Variants in TKTL1 observed in about 807,000 individuals in gnomAD.
TKTL1 encodes transketolase like 1, also known as transketolase-like protein 1.
TKTL1 carries 1 observed loss-of-function variant against 39.3 expected under a neutral mutation model. That is an observed-to-expected ratio of 0.03 (90% CI 0.01 to 0.12). The LOEUF is 0.12. Ranked by LOEUF, TKTL1 falls within the 10% of genes least tolerant of loss-of-function variation. The pLI is 1.00. For missense variants in TKTL1, 575 were observed against 509.6 expected (o/e 1.13, Z -1.24); for synonymous variants, 262 against 193.8 (o/e 1.35, Z -2.92).
chrX:154,309,772 G>A (rs1317919588), intron 3 of TKTL1, among the ~76,000 whole-genome samples: 2 of 111,369 alleles, frequency 1.8e-5, no homozygotes, highest in African/African-American at 6.5e-5. Flanking sequence ...GTCTCACTCT[G>A]TGGCCAGGCT....
chrX:154,299,943 G>C (rs1167212713), intron 1 of TKTL1, among the ~76,000 whole-genome samples: 8 of 110,429 alleles, frequency 7.2e-5, no homozygotes, highest in Non-Finnish European at 1.5e-4. Context: ...TTTTTCCTTT[G>C]GGTAGATAGC....
At chrX:154,318,707 CAAA>C (rs1208196360) in intron 7 of TKTL1, among the ~76,000 whole-genome samples, 2 of 30,136 alleles carry the variant, frequency 6.6e-5, no homozygotes, top group African/African-American at 9.5e-5. Context: ...GCCTCCGTCT[CAAA>C]AAAAAAAAAA....
At position 154,320,763 on chromosome X, in the gene TKTL1, G is replaced by T. The variant is rs372864317; in HGVS notation, c.1036G>T (p.Val346Leu). The T allele has an allele frequency of 8.3e-7, 1 of 1,209,615 alleles. No individual in the cohort carries two copies. Among genetic ancestry groups the T allele is most frequent in the East Asian group, 3.0e-5 (1 of 33,779 alleles). The change falls in exon 8 of 13, where the codon GTG becomes TTG. Residue 346 changes from valine (V) to leucine (L), a missense_variant. Val to Leu is a conservative substitution (Grantham distance 32, BLOSUM62 1). Transcript: ENST00000369915. Reference protein sequence around the residue: ...CFMAEQNMVSVALGCASRGRT... With the variant: ...CFMAEQNMVSLALGCASRGRT... ...CATGTTCTCTGTGCTGCAGGTGAGC[G>T]TGGCTCTGGGCTGTGCCTCCCGTGG...
rs782333652 is a variant in TKTL1 at position 154,327,891 on chromosome X, C to A, written c.1551C>A (p.Ala517=). The stretch of plus-strand genomic sequence containing the variant: ...TTACCATTAAACCTCTGGATGTCGC[C>A]ACCATCGTCTCCAGTGCAAAAGCCA... The part of the protein sequence containing the change: ...DLFTIKPLDV[A]TIVSSAKATE... Residue 517 remains alanine (A), a synonymous_variant, in exon 12 of 13, where the codon GCC becomes GCA. Transcript: ENST00000369915. 36 of 1,209,934 alleles carry A rather than the reference C, an allele frequency of 3.0e-5. No individual in the cohort carries two copies. The highest frequency in any genetic ancestry group is 4.0e-5 in the Non-Finnish European group (36 of 895,002).
intron 1 of TKTL1, among the ~76,000 whole-genome samples, chrX:154,296,632 A>G (rs183400566): frequency 3.2e-3 from 351 of 111,288 alleles, no homozygotes; most frequent in Non-Finnish European, 5.4e-3. Flanking sequence ...TTTGAGGGAT[A>G]TTGGTCTCTA....
intron 10 of TKTL1, among the ~76,000 whole-genome samples, chrX:154,326,434 A>C (rs766418): frequency 0.032 from 3,626 of 112,464 alleles, 136 homozygotes; most frequent in African/African-American, 0.11. Flanking sequence ...TTGAGATCAT[A>C]CTGAATAGAA....
At chrX:154,316,982 C>A (rs1415466296) in intron 7 of TKTL1, among the ~76,000 whole-genome samples, 1 of 110,664 alleles carries the variant, frequency 9.0e-6, no homozygotes, top group Non-Finnish European at 1.9e-5. Context: ...GTTGGTCAGG[C>A]TGGTCTCCAA....
chrX:154,305,787 C>A (rs2148802634), intron 2 of TKTL1, among the ~76,000 whole-genome samples: 1 of 110,721 alleles, frequency 9.0e-6, no homozygotes, highest in African/African-American at 3.3e-5. Flanking sequence ...TTGAGTGTAA[C>A]CGGGAGGGAC....
chrX:154,318,707 C>CAAAAA (rs1208196360), intron 7 of TKTL1, among the ~76,000 whole-genome samples: 2 of 30,136 alleles, frequency 6.6e-5, no homozygotes, highest in Non-Finnish European at 1.4e-4. Flanking sequence ...GCCTCCGTCT[C>CAAAAA]AAAAAAAAAA....
chrX:154,327,825 T>C lies in TKTL1; in HGVS notation c.1499-14T>C, dbSNP rs782786577. The C allele has an allele frequency of 8.3e-7, 1 of 1,211,735 alleles. No homozygotes were observed. Among genetic ancestry groups the C allele is most frequent in the Non-Finnish European group, 1.1e-6 (1 of 895,392 alleles). The stretch of plus-strand genomic sequence containing the variant: ...TCTCTTTCTTGTACCAAGCTGGTTT[T>C]TGCTGTTCTGCAGATATTTTTATCC... On this transcript the variant is annotated splice_polypyrimidine_tract_variant and intron_variant, in intron 11 of 12. Coordinates refer to ENST00000369915, the MANE Select transcript of TKTL1 (RefSeq NM_012253.4).
At chrX:154,315,523 C>G (rs1293522896) in intron 7 of TKTL1, among the ~76,000 whole-genome samples, 186 bp downstream of exon 7, 5 of 111,332 alleles carry the variant, frequency 4.5e-5, no homozygotes, top group Admixed American at 2.9e-4. Flanking sequence ...CTAGGAGGGC[C>G]GTAATAGACT....
intron 2 of TKTL1, 99 bp from the exon 3 acceptor site, chrX:154,309,246 C>A: frequency 1.4e-6 from 1 of 715,294 alleles, no homozygotes; most frequent in Non-Finnish European, 2.2e-6. Context: ...TGGGACGCTG[C>A]TACAGAGCTG....
intron 9 of TKTL1, 85 bp downstream of exon 9, chrX:154,323,422 C>A: frequency 9.6e-7 from 1 of 1,045,017 alleles, no homozygotes; most frequent in South Asian, 2.2e-5. Context: ...TTTTTTTTCT[C>A]AACATAAAAG....
intron 3 of TKTL1, among the ~76,000 whole-genome samples, chrX:154,309,758 C>G (rs1382087966): frequency 2.7e-5 from 3 of 111,532 alleles, no homozygotes; most frequent in Non-Finnish European, 5.7e-5. Context: ...GTTTTTGAGA[C>G]TGAGTCTCAC....
chrX:154,298,144 A>G (rs1215587090), intron 1 of TKTL1, among the ~76,000 whole-genome samples: 2 of 111,127 alleles, frequency 1.8e-5, no homozygotes, highest in African/African-American at 6.6e-5. Flanking sequence ...GTTGGCATGC[A>G]GTTATTCATA....
At chrX:154,301,475 C>T (rs1226983780) in intron 1 of TKTL1, among the ~76,000 whole-genome samples, 3 of 111,886 alleles carry the variant, frequency 2.7e-5, no homozygotes, top group Admixed American at 9.5e-5. Context: ...CGAGAGAGTG[C>T]CACTGTACTC....
intron 1 of TKTL1, among the ~76,000 whole-genome samples, chrX:154,298,450 G>T (rs1376770659): frequency 7.1e-5 from 8 of 112,198 alleles, no homozygotes; most frequent in Non-Finnish European, 1.3e-4. Context: ...GGTGGCTCAC[G>T]CCTGTAACCT....
At chrX:154,307,141 T>G (rs1319049796) in intron 2 of TKTL1, among the ~76,000 whole-genome samples, 1 of 109,522 alleles carries the variant, frequency 9.1e-6, no homozygotes, top group Non-Finnish European at 1.9e-5. Context: ...GGCGTGGTGG[T>G]GCGTGCCTGC....
intron 12 of TKTL1, among the ~76,000 whole-genome samples, chrX:154,328,201 C>T (rs1557172443): frequency 9.0e-6 from 1 of 110,974 alleles, no homozygotes; most frequent in African/African-American, 3.3e-5. Flanking sequence ...TGCAGGCAAG[C>T]GAGGTGTCAT....
Sources: gnomAD v4.1 joint callset for allele counts (sites outside exome capture counted in the v4.1 genomes callset) on GRCh38, gnomAD v4.1.1 for gene constraint, MANE v1.5 for transcripts, NCBI Gene and HGNC (gene_info 2026-07-23, HGNC 2026-07-21) for gene names.